PDE1C: variants seen among roughly 807,000 people sequenced by gnomAD.
PDE1C encodes the protein dual specificity calcium/calmodulin-dependent 3',5'-cyclic nucleotide phosphodiesterase 1C.
In PDE1C, 62 loss-of-function variants were observed where a neutral mutation model predicts 93.1. The ratio of observed to expected loss-of-function variants is 0.67; its 90% confidence interval spans 0.54 to 0.82. PDE1C has a LOEUF of 0.82. Among genes scored for constraint, PDE1C ranks in the 40% least tolerant of loss-of-function variants. The pLI is 0.00. For synonymous variants in PDE1C, 325 were observed against 310.1 expected (o/e 1.05, Z -0.50); for missense variants, 742 against 884.6 (o/e 0.84, Z 2.04).
At chr7:31,970,447 A>C (rs1810788741) in intron 2 of PDE1C, among the ~76,000 whole-genome samples, 1 of 152,236 alleles carries the variant, frequency 6.6e-6, no homozygotes, top group African/African-American at 2.4e-5. Flanking sequence ...TCAAAGTTTC[A>C]ATAGCATGTG....
At position 31,824,911 on chromosome 7, in the gene PDE1C, G is replaced by A. The variant is rs564932801; in HGVS notation, c.1362C>T (p.Ile454=). 58 of 1,613,280 alleles carry A rather than the reference G, an allele frequency of 3.6e-5. No individual in the cohort carries two copies. Among genetic ancestry groups the A allele is most frequent in the South Asian group, 3.3e-4 (30 of 91,042 alleles). ...DMTEKIVSPL[I]DETSQTGGTG... The stretch of plus-strand genomic sequence containing the variant: ...TCCCACCAGTTTGAGAGGTTTCATC[G>A]ATTAATGGACTCACAATCTTCTCGG... Residue 454 remains isoleucine (I), a synonymous_variant, in exon 13 of 18, where the codon ATC becomes ATT. Transcript: ENST00000396191.
chr7:32,036,601 C>A (rs572290083), intron 2 of PDE1C, among the ~76,000 whole-genome samples: 1 of 152,074 alleles, frequency 6.6e-6, no homozygotes, highest in African/African-American at 2.4e-5. Context: ...AGAGAAGGCA[C>A]AAATTACTAA....
At position 32,083,591 on chromosome 7, in the gene PDE1C, C is replaced by A. The variant is rs555362818; in HGVS notation, c.308+86194G>T. Among the ~76,000 whole-genome samples the A allele has an allele frequency of 5.9e-5, 9 of 152,246 alleles. No homozygotes were observed. The East Asian group carries it at 1.4e-3, about 23-fold the overall frequency. On this transcript the variant is annotated intron_variant, in intron 3 of 18. Transcript: ENST00000396193. ...GAAATGAAGCAAAAAATGTTAAGGG[C>A]AGCCAGAGAGAAAGGTCGGATTACC... is the stretch of plus-strand genomic sequence containing the variant.
intron 1 of PDE1C, among the ~76,000 whole-genome samples, chr7:32,335,223 C>A (rs372939621): frequency 1.1e-4 from 17 of 152,194 alleles, no homozygotes. Flanking sequence ...AAGCAGAGAA[C>A]GCAAGTCCAC....
chr7:32,004,530 C>T (rs1007419204), intron 2 of PDE1C, among the ~76,000 whole-genome samples: 1 of 152,082 alleles, frequency 6.6e-6, no homozygotes, highest in African/African-American at 2.4e-5. Flanking sequence ...GGGGGTTGTG[C>T]AAGAGTTACT....
chr7:31,684,219 T>C, the PDE1C span, among the ~76,000 whole-genome samples: 1 of 152,202 alleles, frequency 6.6e-6, no homozygotes, highest in South Asian at 2.1e-4. Flanking sequence ...TTGGGAGTAG[T>C]AGACATGTCT....
intron 1 of PDE1C, among the ~76,000 whole-genome samples, chr7:32,387,728 G>A (rs1185884368): frequency 4.5e-3 from 533 of 119,634 alleles, no homozygotes; most frequent in South Asian, 8.2e-3. Flanking sequence ...CGGGCAGAGG[G>A]GCTCCTCACT....
chr7:31,835,148 T>A (rs1411959241), intron 11 of PDE1C, among the ~76,000 whole-genome samples: 1 of 152,178 alleles, frequency 6.6e-6, no homozygotes, highest in Non-Finnish European at 1.5e-5. Context: ...TATGTGGAGC[T>A]GTGAGTCAAT....
chr7:32,052,492 A>T (rs546560896), intron 1 of PDE1C, among the ~76,000 whole-genome samples: 2 of 152,186 alleles, frequency 1.3e-5, no homozygotes, highest in African/African-American at 4.8e-5. Context: ...TAGGCTCAGC[A>T]CTGGAGGGGA....
chr7:31,970,136 G>T (rs1810722039), intron 2 of PDE1C, among the ~76,000 whole-genome samples: 1 of 152,006 alleles, frequency 6.6e-6, no homozygotes, highest in African/African-American at 2.4e-5. Flanking sequence ...AAAACTCAAA[G>T]TATAATAATA....
At chr7:32,007,294 T>C (rs1173117758) in intron 2 of PDE1C, among the ~76,000 whole-genome samples, 1 of 152,180 alleles carries the variant, frequency 6.6e-6, no homozygotes, top group Non-Finnish European at 1.5e-5. Context: ...AATGTCGCAC[T>C]AACTCTTTTC....
chr7:32,422,532 T>C (rs1035223616), intron 1 of PDE1C, among the ~76,000 whole-genome samples: 1 of 145,178 alleles, frequency 6.9e-6, no homozygotes, highest in Non-Finnish European at 1.5e-5. Flanking sequence ...TGTTGCCATA[T>C]TTATGTTCCT....
Position 32,198,254 on chromosome 7 carries a change from C to T in PDE1C, c.136+11235G>A, listed in dbSNP as rs145614170. Among the ~76,000 whole-genome samples the T allele has an allele frequency of 3.9e-3, 588 of 152,258 alleles. 3 individuals carry two copies. Among genetic ancestry groups the T allele is most frequent in the African/African-American group, 0.013 (548 of 41,536 alleles). On this transcript the variant is annotated intron_variant, in intron 2 of 18. Transcript: ENST00000396193. ...TTTAAAATTTCAGGTCAACAGTATT[C>T]TTCCCTCATCTCTATACAAATATTA...
the PDE1C span, among the ~76,000 whole-genome samples, chr7:31,661,230 A>T: frequency 6.6e-6 from 1 of 152,154 alleles, no homozygotes. Flanking sequence ...ACTGTAGTTT[A>T]TATATATAAA....
chr7:31,847,877 G>A, intron 9 of PDE1C, 91 bp downstream of exon 9: 1 of 1,339,340 alleles, frequency 7.5e-7, no homozygotes, highest in Admixed American at 1.7e-5. Context: ...AACATTTTAA[G>A]CAAGGTGTTC....
At chr7:31,940,592 C>T (rs1805684481) in intron 2 of PDE1C, among the ~76,000 whole-genome samples, 1 of 152,108 alleles carries the variant, frequency 6.6e-6, no homozygotes, top group Non-Finnish European at 1.5e-5. Flanking sequence ...GGGGACCTCC[C>T]AGAACCCATA....
chr7:31,907,957 GA>G (rs201253353), intron 2 of PDE1C, among the ~76,000 whole-genome samples: 13 of 150,194 alleles, frequency 8.7e-5, no homozygotes, highest in South Asian at 6.4e-4. Context: ...AGAACAGAAT[GA>G]AAAAAAAGGG....
chr7:32,311,183 C>T lies in PDE1C; in HGVS notation c.311-101644G>A, dbSNP rs1300977225. Among the ~76,000 whole-genome samples, 7 of 152,186 alleles carry T rather than the reference C, an allele frequency of 4.6e-5. No homozygotes were observed. In the East Asian group the frequency reaches 1.2e-3, roughly 25 times the overall value. ...ATGGATAAATTCCTCAACACATACA[C>T]CCTCCCAAGACTAAACCAGGAAGAA... On this transcript the variant is annotated intron_variant, in intron 1 of 1. Transcript: ENST00000672256.
chr7:32,081,143 C>G (rs140291616), intron 3 of PDE1C, among the ~76,000 whole-genome samples: 1 of 152,348 alleles, frequency 6.6e-6, no homozygotes, highest in African/African-American at 2.4e-5. Flanking sequence ...GGCTTCCCTG[C>G]TGCCTTAGCT....
Sources: allele counts gnomAD v4.1 joint callset (sites outside exome capture counted in the v4.1 genomes callset), GRCh38; gene constraint gnomAD v4.1.1; transcripts MANE v1.5; gene names NCBI Gene and HGNC (gene_info 2026-07-23, HGNC 2026-07-21).